The following B3GALT1 variants were observed in gnomAD, a reference collection of about 807,000 sequenced individuals.
B3GALT1 encodes the protein UDP-Gal:betaGlcNAc beta 1,3-galactosyltransferase, polypeptide 1.
B3GALT1 carries 10 observed loss-of-function variants against 23.2 expected under a neutral mutation model. The observed-to-expected ratio is 0.43, with a 90% CI of 0.27 to 0.73. The LOEUF (loss-of-function observed/expected upper bound fraction) is 0.73. B3GALT1 is among the 30% of genes least tolerant of loss of function. The probability of loss-of-function intolerance (pLI) is 0.21; values close to 1 mark genes in which losing one functional copy is unlikely to be tolerated. For synonymous variants in B3GALT1, 156 were observed against 141.5 expected, an observed-to-expected ratio of 1.10 and a Z score of -0.73; for missense variants, 299 against 405.4, an observed-to-expected ratio of 0.74 and a Z score of 2.25.
chr2:167,575,323 G>C (rs1227147), intron 2 of B3GALT1, among the ~76,000 whole-genome samples: 81,165 of 151,598 alleles, frequency 0.54, 25,328 homozygotes, highest in East Asian at 0.99. Flanking sequence ...TACATTCCTG[G>C]TGATATCAGC....
chr2:167,869,593 A>G lies in B3GALT1; in HGVS notation c.554A>G (p.Asp185Gly). The G allele has an allele frequency of 6.2e-7, 1 of 1,614,202 alleles. No homozygotes were observed. The highest frequency in any genetic ancestry group is 8.5e-7 in the Non-Finnish European group (1 of 1,180,038). The part of the protein sequence containing the change: ...KTDSDIFVNM[D>G]NLIYKLLKPS... ...GACAGCGACATTTTTGTAAACATGGACAATCTTATTTATAAATTACTGAAA... is the reference window on the plus strand; with the variant it reads ...GACAGCGACATTTTTGTAAACATGGGCAATCTTATTTATAAATTACTGAAA... Residue 185 changes from aspartate (D) to glycine (G), a missense_variant, in exon 5 of 5, where the codon GAC becomes GGC. Physicochemically the swap from Asp to Gly is moderately conservative, Grantham distance 94. Transcript: ENST00000392690. This position sits in a 1 kb window ranked among gnomAD's most constrained non-coding sequence, Gnocchi z 6.4.
Position 167,734,465 on chromosome 2 carries a change from G to A in B3GALT1, c.-351-84207G>A, listed in dbSNP as rs139077476. On this transcript the variant is annotated intron_variant, in intron 3 of 4. Coordinates refer to ENST00000392690, the MANE Select transcript of B3GALT1 (RefSeq NM_020981.4). ...TCTGTGGACGTGGTCTGAGTGTGTG[G>A]GAACACAGAGATTACTCAGAGAGCC... 8.5e-5 allele frequency among the ~76,000 whole-genome samples: 13 copies of A among 152,220 alleles called. No homozygotes were observed. The East Asian group carries it at 2.3e-3, about 27-fold the overall frequency.
intron 2 of B3GALT1, among the ~76,000 whole-genome samples, chr2:167,506,983 A>G (rs1209582997): frequency 6.6e-6 from 1 of 152,200 alleles, no homozygotes; most frequent in African/African-American, 2.4e-5. Context: ...TCACTCTAAG[A>G]AGACTCTATT....
chr2:167,315,225 T>C (rs1175514865), intron 1 of B3GALT1, among the ~76,000 whole-genome samples: 3 of 152,186 alleles, frequency 2.0e-5, no homozygotes, highest in Non-Finnish European at 4.4e-5. Context: ...CCCTGTTTAA[T>C]ATTGTGGTAA....
At chr2:167,801,047 C>T (rs1688630148) in intron 3 of B3GALT1, among the ~76,000 whole-genome samples, 2 of 152,090 alleles carry the variant, frequency 1.3e-5, no homozygotes, top group African/African-American at 2.4e-5. Context: ...GGTGAAGGGG[C>T]CAATCAGACA....
intron 3 of B3GALT1, among the ~76,000 whole-genome samples, chr2:167,663,449 G>A (rs1236935907): frequency 6.6e-5 from 10 of 152,150 alleles, no homozygotes; most frequent in Non-Finnish European, 1.2e-4. Context: ...ATAGCAGCAC[G>A]ATTTATAGTC....
intron 1 of B3GALT1, among the ~76,000 whole-genome samples, chr2:167,341,668 A>T (rs979317499): frequency 6.6e-6 from 1 of 151,212 alleles, no homozygotes; most frequent in Non-Finnish European, 1.5e-5. Flanking sequence ...TCTCAAAAAC[A>T]AAAAAAAAGA....
chr2:167,739,616 A>G (rs977503992), intron 3 of B3GALT1, among the ~76,000 whole-genome samples: 2 of 152,050 alleles, frequency 1.3e-5, no homozygotes, highest in African/African-American at 4.8e-5. Flanking sequence ...TTTTCTCCAT[A>G]GTGCTTTTCT....
chr2:167,820,931 TAA>T, intron 4 of B3GALT1, among the ~76,000 whole-genome samples: 1 of 152,246 alleles, frequency 6.6e-6, no homozygotes, highest in Non-Finnish European at 1.5e-5. Context: ...AGCTTGACTC[TAA>T]ATGCTTTTGA....
At chr2:167,568,428 C>G (rs1473736243) in intron 2 of B3GALT1, among the ~76,000 whole-genome samples, 3 of 151,978 alleles carry the variant, frequency 2.0e-5, no homozygotes, top group Non-Finnish European at 2.9e-5. Context: ...AGATTTTGGT[C>G]ATTCTAATAG....
intron 1 of B3GALT1, among the ~76,000 whole-genome samples, chr2:167,296,426 A>G (rs1201570187): frequency 6.6e-6 from 1 of 152,194 alleles, no homozygotes; most frequent in Non-Finnish European, 1.5e-5. Flanking sequence ...AAAAACTTCA[A>G]CTGGTTAGTA....
chr2:167,660,931 AT>A (rs1686050300), intron 3 of B3GALT1, among the ~76,000 whole-genome samples: 1 of 152,142 alleles, frequency 6.6e-6, no homozygotes, highest in Admixed American at 6.5e-5. Flanking sequence ...ACCCTAACAC[AT>A]TTACAAATTT....
chr2:167,840,257 A>G (rs1245193149), intron 4 of B3GALT1, among the ~76,000 whole-genome samples: 1 of 152,118 alleles, frequency 6.6e-6, no homozygotes, highest in African/African-American at 2.4e-5. Flanking sequence ...ACAAAATGGG[A>G]GAAAATTTTT....
At chr2:167,714,856 T>C (rs1054132795) in intron 3 of B3GALT1, 3 of 1,608,712 alleles carry the variant, frequency 1.9e-6, no homozygotes, top group Non-Finnish European at 2.5e-6. Context: ...GGTAATTTTC[T>C]TCTATTGTCA....
intron 1 of B3GALT1, among the ~76,000 whole-genome samples, chr2:167,404,600 TA>T (rs1698245483): frequency 6.6e-6 from 1 of 152,170 alleles, no homozygotes; most frequent in African/African-American, 2.4e-5. Flanking sequence ...GCAGTCAGTA[TA>T]AATATGTTCA....
intron 1 of B3GALT1, among the ~76,000 whole-genome samples, chr2:167,476,916 C>G (rs890378347): frequency 2.0e-5 from 3 of 152,188 alleles, no homozygotes; most frequent in Non-Finnish European, 2.9e-5. Flanking sequence ...CAGAAAGCCT[C>G]TCTTAAATAA....
At chr2:167,321,479 G>A (rs1696808976) in intron 1 of B3GALT1, among the ~76,000 whole-genome samples, 1 of 151,872 alleles carries the variant, frequency 6.6e-6, no homozygotes, top group African/African-American at 2.4e-5. Context: ...ACCATTCTCA[G>A]CTTATAACAT....
chr2:167,411,427 G>A (rs571037537), intron 1 of B3GALT1, among the ~76,000 whole-genome samples: 1 of 143,988 alleles, frequency 6.9e-6, no homozygotes, highest in South Asian at 2.2e-4. Context: ...GTTTAAAATT[G>A]GCAAAAGATC....
chr2:167,545,135 T>A (rs10165937), intron 2 of B3GALT1, among the ~76,000 whole-genome samples: 1 of 147,192 alleles, frequency 6.8e-6, no homozygotes, highest in Non-Finnish European at 1.5e-5. Flanking sequence ...CCCGGGTTCA[T>A]GCCATTCTCC....
Sources: gnomAD v4.1 joint callset for allele counts (sites outside exome capture counted in the v4.1 genomes callset) on GRCh38, gnomAD v4.1.1 for gene constraint, Gnocchi (gnomAD v3.1) non-coding constraint, MANE v1.5 for transcripts, NCBI Gene and HGNC (gene_info 2026-07-23, HGNC 2026-07-21) for gene names.